CAMK1D: variants seen among roughly 807,000 people sequenced by gnomAD.
The protein encoded by CAMK1D is calcium/calmodulin dependent protein kinase ID.
A neutral mutation model predicts 47.7 loss-of-function variants in CAMK1D; 9 were observed. That is an observed-to-expected ratio of 0.19 (90% CI 0.11 to 0.33). CAMK1D has a LOEUF of 0.33. Ranked by LOEUF, CAMK1D falls within the 10% of genes least tolerant of loss-of-function variation. The probability of loss-of-function intolerance (pLI) is 1.00; values close to 1 mark genes in which losing one functional copy is unlikely to be tolerated. For synonymous variants in CAMK1D, 184 were observed against 184.9 expected, an observed-to-expected ratio of 0.99 and a Z score of 0.04; for missense variants, 291 against 488.7, an observed-to-expected ratio of 0.60 and a Z score of 3.81.
At chr10:12,593,318 G>A (rs1469647785) in intron 2 of CAMK1D, among the ~76,000 whole-genome samples, 2 of 152,176 alleles carry the variant, frequency 1.3e-5, no homozygotes, top group Admixed American at 6.5e-5. Context: ...GGCTGTCTGC[G>A]CTGACTCATG....
intron 1 of CAMK1D, among the ~76,000 whole-genome samples, chr10:12,540,827 T>G (rs556340011): frequency 3.5e-4 from 53 of 152,308 alleles, no homozygotes; most frequent in African/African-American, 1.2e-3. Context: ...GATCTGTCTG[T>G]TCCTAAGCAT....
intron 5 of CAMK1D, among the ~76,000 whole-genome samples, chr10:12,782,531 CTGTT>C: frequency 6.6e-6 from 1 of 152,208 alleles, no homozygotes; most frequent in African/African-American, 2.4e-5. Flanking sequence ...TTCTCTCTCA[CTGTT>C]TGAGAGAAAT....
chr10:12,526,769 T>C (rs926660168), intron 1 of CAMK1D, among the ~76,000 whole-genome samples: 1 of 151,554 alleles, frequency 6.6e-6, no homozygotes, highest in African/African-American at 2.4e-5. Context: ...AATACAAAAA[T>C]TAGCCGGGTG....
chr10:12,670,470 G>A (rs939919705), intron 3 of CAMK1D, among the ~76,000 whole-genome samples: 5 of 150,522 alleles, frequency 3.3e-5, no homozygotes, highest in Admixed American at 3.3e-4. Context: ...TTGTGTTGCT[G>A]TTTTTTTAAT....
intron 3 of CAMK1D, among the ~76,000 whole-genome samples, chr10:12,688,587 G>C (rs1832746251): frequency 1.3e-5 from 2 of 152,130 alleles, no homozygotes; most frequent in African/African-American, 4.8e-5. Context: ...ACGTTGTGCA[G>C]ATCCTTCAAG....
At chr10:12,635,536 A>G (rs918199620) in intron 2 of CAMK1D, among the ~76,000 whole-genome samples, 7 of 152,102 alleles carry the variant, frequency 4.6e-5, no homozygotes, top group African/African-American at 1.7e-4. Context: ...TGGAGGTGTG[A>G]GGATTCCTTT....
At chr10:12,564,860 T>A (rs886189868) in intron 2 of CAMK1D, among the ~76,000 whole-genome samples, 1 of 152,230 alleles carries the variant, frequency 6.6e-6, no homozygotes, top group Non-Finnish European at 1.5e-5. Flanking sequence ...TATACACACA[T>A]GTAAATGTAC....
intron 1 of CAMK1D, among the ~76,000 whole-genome samples, chr10:12,447,360 G>T (rs1057172530): frequency 6.6e-6 from 1 of 152,152 alleles, no homozygotes; most frequent in Non-Finnish European, 1.5e-5. Flanking sequence ...AGAGGCCTCT[G>T]CTGGCCACTG....
intron 3 of CAMK1D, among the ~76,000 whole-genome samples, chr10:12,702,682 C>G (rs1165042623): frequency 6.6e-6 from 1 of 152,174 alleles, no homozygotes; most frequent in Non-Finnish European, 1.5e-5. Context: ...ACCATGTGCA[C>G]AGAGGCACAT....
intron 3 of CAMK1D, among the ~76,000 whole-genome samples, chr10:12,724,240 C>G (rs566720094): frequency 3.2e-4 from 48 of 152,252 alleles, no homozygotes; most frequent in Non-Finnish European, 6.5e-4. Context: ...CCACCCACCA[C>G]AGCCTCCCAA....
At chr10:12,424,849 C>A (rs951892694) in intron 1 of CAMK1D, among the ~76,000 whole-genome samples, 1 of 152,148 alleles carries the variant, frequency 6.6e-6, no homozygotes, top group Non-Finnish European at 1.5e-5. Context: ...TTCCCATCAC[C>A]CATGAAGCTT....
chr10:12,464,023 A>C (rs1182590685), intron 1 of CAMK1D, among the ~76,000 whole-genome samples: 2 of 152,104 alleles, frequency 1.3e-5, no homozygotes, highest in Non-Finnish European at 2.9e-5. Flanking sequence ...GCCATGCTGA[A>C]CTGTGACTCA....
At chr10:12,563,664 TGAGAGA>T (rs373932374) in intron 2 of CAMK1D, among the ~76,000 whole-genome samples, 65 of 130,138 alleles carry the variant, frequency 5.0e-4, no homozygotes, top group African/African-American at 1.9e-3. Context: ...GCGGAAGGTT[TGAGAGA>T]GAGAGAGAGA....
At chr10:12,406,918 C>G (rs577395617) in intron 1 of CAMK1D, among the ~76,000 whole-genome samples, 1 of 151,958 alleles carries the variant, frequency 6.6e-6, no homozygotes, top group African/African-American at 2.4e-5. Flanking sequence ...TAGAGGAGAT[C>G]GAGGCCACCT....
chr10:12,548,441 T>G (rs1444881418), intron 1 of CAMK1D, among the ~76,000 whole-genome samples: 2 of 147,066 alleles, frequency 1.4e-5, no homozygotes, highest in Admixed American at 6.9e-5. Flanking sequence ...ACTTTACCAT[T>G]TTAAGCTTTT....
In CAMK1D at chr10:12,835,341, CTG is replaced by C. The variant is rs1485664705; in HGVS notation, c.*6457_*6458del. 3 of 152,286 alleles carry C rather than the reference CTG, an allele frequency of 2.0e-5. No individual in the cohort carries two copies. The highest frequency in any genetic ancestry group is 4.4e-5 in the Non-Finnish European group (3 of 68,022). 9.4% of individuals were successfully genotyped at this position (152,286 alleles called of 1,614,324 possible). A position where few individuals can be genotyped will look rare whatever the true frequency, so the allele number is the denominator to read the frequency against. Reference sequence around the variant, plus strand: ...ACATGTTTGTCCAAAAGAAGGGAAACTGTGAATTTATTCCATGCATGTAATAA... The same window carrying C: ...ACATGTTTGTCCAAAAGAAGGGAAACTGAATTTATTCCATGCATGTAATAA... On this transcript the variant is annotated 3_prime_UTR_variant, in exon 11 of 11. Coordinates refer to ENST00000619168, the MANE Select transcript of CAMK1D (RefSeq NM_153498.4).
At position 12,655,683 on chromosome 10, in the gene CAMK1D, G is replaced by A. The variant is rs200602641; in HGVS notation, c.225-11053G>A. On this transcript the variant is annotated intron_variant, in intron 2 of 10. Transcript: ENST00000619168. ...GACCTAACTTATTTCTCCTTTGGTC[G>A]AAAGACCGCCAGGCCTCAGCTGGAC... is the stretch of plus-strand genomic sequence containing the variant. Among the ~76,000 whole-genome samples, 10 of 152,290 alleles carry A rather than the reference G, an allele frequency of 6.6e-5. No homozygotes were observed. The East Asian group carries it at 1.4e-3, about 21-fold the overall frequency.
intron 1 of CAMK1D, among the ~76,000 whole-genome samples, chr10:12,387,847 G>A (rs1208368357): frequency 6.6e-6 from 1 of 151,914 alleles, no homozygotes; most frequent in East Asian, 1.9e-4. Context: ...ATCCTCTATC[G>A]GGATGTAAGT....
At chr10:12,593,329 C>T (rs551660929) in intron 2 of CAMK1D, among the ~76,000 whole-genome samples, 3 of 152,318 alleles carry the variant, frequency 2.0e-5, no homozygotes, top group Admixed American at 2.0e-4. Flanking sequence ...CTGACTCATG[C>T]CTGTAATCCC....
Sources: gnomAD v4.1 joint callset for allele counts (sites outside exome capture counted in the v4.1 genomes callset) on GRCh38, gnomAD v4.1.1 for gene constraint, MANE v1.5 for transcripts, NCBI Gene and HGNC (gene_info 2026-07-23, HGNC 2026-07-21) for gene names.